CLCC1: variants seen among roughly 807,000 people sequenced by gnomAD.
The protein encoded by CLCC1 is chloride channel CLIC like 1.
A neutral mutation model predicts 63.3 loss-of-function variants in CLCC1; 39 were observed. The observed-to-expected ratio is 0.62, with a 90% confidence interval of 0.48 to 0.81. The LOEUF (loss-of-function observed/expected upper bound fraction) is 0.81, where lower values mean the gene tolerates loss of function less well. Ranked by LOEUF, CLCC1 falls within the 30% of genes least tolerant of loss-of-function variation. CLCC1 has a pLI of 0.00. For missense variants in CLCC1, 549 were observed against 669.4 expected (o/e 0.82, Z 1.98); for synonymous variants, 217 against 239.8 (o/e 0.90, Z 0.88).
intron 2 of CLCC1, among the ~76,000 whole-genome samples, chr1:108,961,946 C>T (rs1344995637): frequency 6.6e-6 from 1 of 152,122 alleles, no homozygotes; most frequent in Non-Finnish European, 1.5e-5. Flanking sequence ...GGAAGTAGTA[C>T]TCTTATCTTC....
rs1417153561 is a variant in CLCC1 at position 108,931,101 on chromosome 1, T to G, written c.*1446A>C. On this transcript the variant is annotated 3_prime_UTR_variant, in exon 13 of 13. Coordinates refer to ENST00000369969, the MANE Select transcript of CLCC1 (RefSeq NM_001377458.1). ...TTTTGGGCTGTTTAAAAAAATTATTTAAAATGGTCTCTTCTGTTCCATAAT... is the reference window on the plus strand; with the variant it reads ...TTTTGGGCTGTTTAAAAAAATTATTGAAAATGGTCTCTTCTGTTCCATAAT... The G allele has an allele frequency of 5.8e-6, 2 of 343,700 alleles. No individual in the cohort carries two copies. The highest frequency in any genetic ancestry group is 1.0e-5 in the Non-Finnish European group (2 of 191,444). The allele number at this position is 343,700 out of a possible 1,614,324, so 21.3% of individuals were successfully genotyped here. A position where few individuals can be genotyped will look rare whatever the true frequency, so the allele number is the denominator to read the frequency against.
intron 4 of CLCC1, among the ~76,000 whole-genome samples, chr1:108,948,650 G>GAA (rs61417692): frequency 2.2e-5 from 3 of 138,076 alleles, no homozygotes; most frequent in Non-Finnish European, 3.2e-5. Flanking sequence ...AACAACTTAG[G>GAA]AAAAAAAAAA....
In CLCC1 at chr1:108,937,122, A is replaced by G. The variant is rs898425062; in HGVS notation, c.1338T>C (p.Asp446=). 1 of 1,530,696 alleles carries G rather than the reference A, an allele frequency of 6.5e-7. No individual in the cohort carries two copies. Among genetic ancestry groups the G allele is most frequent in the East Asian group, 2.3e-5 (1 of 43,878 alleles). The allele number at this position is 1,530,696 out of a possible 1,614,324, so 94.8% of individuals were successfully genotyped here. Residue 446 remains aspartate (D), a synonymous_variant, in exon 11 of 13, where the codon GAT becomes GAC. Transcript: ENST00000369969. ...NKSPEVLRAF[D]VPDAEAREHP... is the part of the protein sequence containing the mutation. ...GCTCTCGTGCCTCTGCGTCTGGTAC[A>G]TCAAATGCCCGGAGCACTTCAGGGC...
chr1:108,930,320 A>T lies in CLCC1; in HGVS notation c.*2227T>A, dbSNP rs1651714027. ...GGCGTTTTTTTATACATAACCATGG[A>T]TGTAGTGGGAAACAATGTTGTTTGG... On this transcript the variant is annotated 3_prime_UTR_variant, in exon 13 of 13. Coordinates refer to ENST00000369969, the MANE Select transcript of CLCC1 (RefSeq NM_001377458.1). The T allele has an allele frequency of 5.8e-6, 1 of 173,856 alleles. No individual in the cohort carries two copies. Among genetic ancestry groups the T allele is most frequent in the Non-Finnish European group, 1.2e-5 (1 of 81,490 alleles). 10.8% of individuals were successfully genotyped at this position (173,856 alleles called of 1,614,324 possible).
intron 2 of CLCC1, among the ~76,000 whole-genome samples, chr1:108,959,549 C>A (rs919542033): frequency 4.6e-5 from 7 of 152,068 alleles, no homozygotes; most frequent in African/African-American, 1.7e-4. Context: ...TATAATTTTT[C>A]TATTTTATTA....
At chr1:108,940,199 C>T (rs887761511) in intron 8 of CLCC1, 57 bp from the exon 9 acceptor site, 1 of 1,244,512 alleles carries the variant, frequency 8.0e-7, no homozygotes, top group Non-Finnish European at 1.2e-6. Flanking sequence ...CATTTCATTC[C>T]CAAACAAGAC....
intron 2 of CLCC1, among the ~76,000 whole-genome samples, chr1:108,959,391 T>C (rs1236785000): frequency 2.0e-5 from 3 of 151,830 alleles, no homozygotes; most frequent in African/African-American, 7.3e-5. Context: ...AAAGCTCATA[T>C]GATGAGGTTG....
intron 3 of CLCC1, 60 bp from the exon 4 acceptor site, chr1:108,949,981 G>A: frequency 9.9e-7 from 1 of 1,011,188 alleles, no homozygotes; most frequent in Non-Finnish European, 1.5e-6. Flanking sequence ...AATAGCCTTT[G>A]GTTAATGAAG....
At chr1:108,936,980 G>A in intron 11 of CLCC1, 97 bp downstream of exon 11, 1 of 800,960 alleles carries the variant, frequency 1.2e-6, no homozygotes, top group Non-Finnish European at 1.8e-6. Context: ...ATATAATTAA[G>A]GGTGAGGGGT....
chr1:108,947,605 A>C lies in CLCC1; in HGVS notation c.339+6T>G. On this transcript the variant is annotated splice_donor_region_variant and intron_variant, in intron 5 of 12. Coordinates refer to ENST00000369969, the MANE Select transcript of CLCC1 (RefSeq NM_001377458.1). ...ACGGATTAGTATCACACCATCAAAT[A>C]CTCACAAGTCCAAGCTTTCCAGCTT... 1 of 1,533,544 alleles carries C rather than the reference A, an allele frequency of 6.5e-7. No homozygotes were observed. Among genetic ancestry groups the C allele is most frequent in the Non-Finnish European group, 9.0e-7 (1 of 1,112,494 alleles). 95.0% of individuals were successfully genotyped at this position (1,533,544 alleles called of 1,614,324 possible). A position where few individuals can be genotyped will look rare whatever the true frequency, so the allele number is the denominator to read the frequency against.
Position 108,962,695 on chromosome 1 carries a change from C to A in CLCC1, c.-172-226G>T, listed in dbSNP as rs964327960. 3.3e-5 allele frequency among the ~76,000 whole-genome samples: 5 copies of A among 151,944 alleles called. No homozygotes were observed. The East Asian group carries it at 9.6e-4, about 29-fold the overall frequency. On this transcript the variant is annotated intron_variant, in intron 1 of 12. Transcript: ENST00000369969. ...ACAAGCCTGGACAACACAGGGAGACCCCTTCTCTACAAATAAAATTTACAA... is the reference window on the plus strand; with the variant it reads ...ACAAGCCTGGACAACACAGGGAGACACCTTCTCTACAAATAAAATTTACAA...
intron 6 of CLCC1, 99 bp from the exon 7 acceptor site, chr1:108,943,714 G>T: frequency 2.0e-6 from 3 of 1,512,404 alleles, no homozygotes; most frequent in Non-Finnish European, 2.7e-6. Flanking sequence ...CAATTTTGTG[G>T]CTTGTTCATC....
chr1:108,931,230 T>G lies in CLCC1; in HGVS notation c.*1317A>C. The stretch of plus-strand genomic sequence containing the variant: ...GACACATAAACAAACAGAAAACAGA[T>G]GAAAACTCACAAAAATTAAATATGA... On this transcript the variant is annotated 3_prime_UTR_variant, in exon 13 of 13. Coordinates refer to ENST00000369969, the MANE Select transcript of CLCC1 (RefSeq NM_001377458.1). 1 of 1,373,362 alleles carries G rather than the reference T, an allele frequency of 7.3e-7. No homozygotes were observed. Among genetic ancestry groups the G allele is most frequent in the Non-Finnish European group, 9.7e-7 (1 of 1,036,182 alleles). 85.1% of individuals were successfully genotyped at this position (1,373,362 alleles called of 1,614,324 possible). A position where few individuals can be genotyped will look rare whatever the true frequency, so the allele number is the denominator to read the frequency against.
intron 4 of CLCC1, among the ~76,000 whole-genome samples, chr1:108,948,476 G>A (rs1342711959): frequency 6.6e-6 from 1 of 152,184 alleles, no homozygotes; most frequent in Non-Finnish European, 1.5e-5. Flanking sequence ...TGTGGACCAT[G>A]AGTTGAGCGC....
chr1:108,962,231 G>A (rs1656748808), intron 2 of CLCC1, 78 bp downstream of exon 2: 1 of 152,254 alleles, frequency 6.6e-6, no homozygotes, highest in Non-Finnish European at 1.5e-5. Context: ...CGGCCAGGCA[G>A]TGAGTAGAAA....
At chr1:108,955,428 A>C (rs1655760769) in intron 2 of CLCC1, among the ~76,000 whole-genome samples, 2 of 151,370 alleles carry the variant, frequency 1.3e-5, no homozygotes, top group Admixed American at 1.3e-4. Context: ...CCTCTCCTGA[A>C]TCTGGGCTGG....
chr1:108,950,253 G>A (rs2101684032), intron 3 of CLCC1, 56 bp downstream of exon 3: 1 of 1,552,266 alleles, frequency 6.4e-7, no homozygotes, highest in Non-Finnish European at 8.8e-7. Flanking sequence ...GAGCTAGACT[G>A]TTTCCATCAT....
At chr1:108,945,541 C>A (rs1654429618) in intron 5 of CLCC1, among the ~76,000 whole-genome samples, 1 of 152,128 alleles carries the variant, frequency 6.6e-6, no homozygotes. Flanking sequence ...CAGAACACCT[C>A]GATTATTGAC....
intron 10 of CLCC1, among the ~76,000 whole-genome samples, chr1:108,939,431 C>T (rs549667958): frequency 4.0e-5 from 6 of 151,070 alleles, no homozygotes; most frequent in South Asian, 4.2e-4. Flanking sequence ...CTCAGCCTCC[C>T]GAGTAGCTGG....
Sources: gnomAD v4.1 joint callset for allele counts (sites outside exome capture counted in the v4.1 genomes callset) on GRCh38, gnomAD v4.1.1 for gene constraint, MANE v1.5 for transcripts, NCBI Gene and HGNC (gene_info 2026-07-23, HGNC 2026-07-21) for gene names.